CSMD1: variants seen among roughly 807,000 people sequenced by gnomAD.
CSMD1 encodes CUB and Sushi multiple domains 1.
A neutral mutation model predicts 417.5 loss-of-function variants in CSMD1; 213 were observed. That is an observed-to-expected ratio of 0.51 (90% CI 0.46 to 0.57). The LOEUF is 0.57. Among genes scored for constraint, CSMD1 ranks in the 20% least tolerant of loss-of-function variants. The pLI, the probability that CSMD1 is intolerant of heterozygous loss-of-function variation, is 0.00. For synonymous variants in CSMD1, 2,862 were observed against 1,736.8 expected, an observed-to-expected ratio of 1.65 and a Z score of -16.11; for missense variants, 6,923 against 4,529.7, an observed-to-expected ratio of 1.53 and a Z score of -15.17.
intron 5 of CSMD1, among the ~76,000 whole-genome samples, chr8:3,803,667 G>A (rs1430761834): frequency 1.3e-5 from 2 of 152,140 alleles, no homozygotes; most frequent in African/African-American, 2.4e-5. Context: ...AGGCCAGAGT[G>A]GCACCACGCA....
At chr8:3,199,658 G>T in intron 33 of CSMD1, 56 bp downstream of exon 33, 2 of 1,195,504 alleles carry the variant, frequency 1.7e-6, no homozygotes, top group East Asian at 2.6e-5. Context: ...CTAGCCGTGG[G>T]TGCAGCATCA....
intron 3 of CSMD1, among the ~76,000 whole-genome samples, chr8:4,141,152 C>A (rs1054413666): frequency 1.3e-5 from 2 of 151,200 alleles, no homozygotes; most frequent in Non-Finnish European, 2.9e-5. Context: ...CAATAAGTAA[C>A]AGAACGTGTC....
intron 1 of CSMD1, among the ~76,000 whole-genome samples, chr8:4,721,738 A>T (rs939004444): frequency 6.6e-6 from 1 of 152,144 alleles, no homozygotes. Flanking sequence ...CCAGCACCTC[A>T]TAGAAATAGC....
At chr8:3,456,603 C>A (rs11777686) in intron 12 of CSMD1, among the ~76,000 whole-genome samples, 35,818 of 152,120 alleles carry the variant, frequency 0.24, 5,460 homozygotes, top group Non-Finnish European at 0.33. Flanking sequence ...TGCGTTCTCT[C>A]CTATCCTATT....
At chr8:3,186,136 GT>G (rs1821741784) in intron 36 of CSMD1, among the ~76,000 whole-genome samples, 2 of 151,292 alleles carry the variant, frequency 1.3e-5, no homozygotes, top group Non-Finnish European at 2.9e-5. Context: ...ATTACATTAA[GT>G]GTTGGCATCT....
rs560678502 is a variant in CSMD1, at chr8:3,764,745, T to C, written c.819-10703A>G. On this transcript the variant is annotated intron_variant, in intron 5 of 69. Coordinates refer to ENST00000635120, the MANE Select transcript of CSMD1 (RefSeq NM_033225.6). Reference sequence around the variant, plus strand: ...GCACTGCCCTTTTCTCTTTCTTTTTTTTTTTTTTTTTTTTATTTTGAGAGA... The same window carrying C: ...GCACTGCCCTTTTCTCTTTCTTTTTCTTTTTTTTTTTTTTATTTTGAGAGA... 2.4e-4 allele frequency among the ~76,000 whole-genome samples: 23 copies of C among 95,086 alleles called. No homozygotes were observed. In the East Asian group the frequency reaches 5.0e-3, roughly 21 times the overall value. The allele number at this position is 95,086 out of a possible 152,430, so 62.4% of individuals were successfully genotyped here. A position where few individuals can be genotyped will look rare whatever the true frequency, so the allele number is the denominator to read the frequency against.
intron 5 of CSMD1, among the ~76,000 whole-genome samples, chr8:3,986,857 C>A (rs796196688): frequency 3.3e-5 from 5 of 152,164 alleles, no homozygotes; most frequent in African/African-American, 1.2e-4. Flanking sequence ...CAGGTTCAAG[C>A]AATTCTCCTG....
intron 3 of CSMD1, among the ~76,000 whole-genome samples, chr8:4,156,394 T>A (rs1437463324): frequency 1.3e-5 from 2 of 152,186 alleles, no homozygotes; most frequent in Non-Finnish European, 2.9e-5. Flanking sequence ...GGCAAGTCCA[T>A]AAAATTTCTC....
rs1210177134 is a variant in CSMD1 at position 3,223,755 on chromosome 8, G to A, written c.4458C>T (p.Asp1486=). 10 of 1,613,906 alleles carry A rather than the reference G, an allele frequency of 6.2e-6. No individual in the cohort carries two copies. Among genetic ancestry groups the A allele is most frequent in the South Asian group, 3.3e-5 (3 of 91,076 alleles). The change falls in exon 28 of 70, where the codon GAC becomes GAT. Residue 1486 remains aspartate (D), a synonymous_variant. Transcript: ENST00000635120. ...ECDWRVKVNP[D]FVIALIFKSF... ...TTTTGAATATCAAGGCGATGACAAA[G>A]TCCGGGTTCACTTTTACTCTCCAGT...
intron 1 of CSMD1, among the ~76,000 whole-genome samples, chr8:4,800,336 C>G (rs1477589559): frequency 6.7e-6 from 1 of 149,144 alleles, no homozygotes; most frequent in Non-Finnish European, 1.5e-5. Context: ...GAGGCTGAGG[C>G]AGGAAGATTT....
rs1343973180 is a variant in CSMD1, at chr8:4,513,475, A to C, written c.303-93410T>G. On this transcript the variant is annotated intron_variant, in intron 2 of 69. Transcript: ENST00000635120. ...TAGATCCCAATTCTTTCATACCCAC[A>C]ACAAAGATGAAATGTCGGACTGTAA... Among the ~76,000 whole-genome samples the C allele has an allele frequency of 6.6e-5, 10 of 152,314 alleles. No individual in the cohort carries two copies. The East Asian group carries it at 1.4e-3, about 21-fold the overall frequency.
intron 5 of CSMD1, among the ~76,000 whole-genome samples, chr8:3,962,112 C>T (rs1022083626): frequency 2.0e-5 from 3 of 152,158 alleles, no homozygotes; most frequent in Non-Finnish European, 2.9e-5. Context: ...CAGCCAGGAC[C>T]TTCCTCCTCT....
chr8:4,382,842 T>C (rs1332907443), intron 3 of CSMD1, among the ~76,000 whole-genome samples: 1 of 152,188 alleles, frequency 6.6e-6, no homozygotes, highest in Non-Finnish European at 1.5e-5. Context: ...ACAACGACCT[T>C]ACACATTTTG....
At chr8:3,840,382 T>C (rs938475058) in intron 5 of CSMD1, among the ~76,000 whole-genome samples, 3 of 152,044 alleles carry the variant, frequency 2.0e-5, no homozygotes, top group African/African-American at 7.2e-5. Context: ...TGAGGGAGAA[T>C]AATAGTGTGT....
intron 3 of CSMD1, among the ~76,000 whole-genome samples, chr8:4,327,569 T>A (rs1472990265): frequency 6.6e-6 from 1 of 152,048 alleles, no homozygotes; most frequent in Non-Finnish European, 1.5e-5. Flanking sequence ...GGGGCGCTCA[T>A]CACTGTCACT....
rs182748777 is a variant in CSMD1 at position 3,911,146 on chromosome 8, T to C, written c.818+86757A>G. ...TTGCCAATCACAGGACTCAAAGAGC[T>C]CTCAGAAAATCATATAATGCAAGTG... On this transcript the variant is annotated intron_variant, in intron 5 of 69. Transcript: ENST00000635120. Among the ~76,000 whole-genome samples the C allele has an allele frequency of 5.3e-5, 8 of 152,222 alleles. 1 individual carries two copies. Among genetic ancestry groups the C allele is most frequent in the Admixed American group, 5.2e-4 (8 of 15,300 alleles).
intron 24 of CSMD1, 79 bp downstream of exon 24, chr8:3,308,233 T>C (rs1584971178): frequency 9.0e-7 from 1 of 1,108,278 alleles, no homozygotes; most frequent in Admixed American, 2.3e-5. Context: ...TCTTTTCCAA[T>C]AAAGGAAGTC....
chr8:4,429,409 A>G (rs1797744538), intron 2 of CSMD1, among the ~76,000 whole-genome samples: 1 of 152,170 alleles, frequency 6.6e-6, no homozygotes, highest in Admixed American at 6.6e-5. Flanking sequence ...GGACAAAGAA[A>G]AAGCATCCTC....
chr8:4,899,728 C>A (rs1421457016), intron 1 of CSMD1, among the ~76,000 whole-genome samples: 1 of 152,128 alleles, frequency 6.6e-6, no homozygotes, highest in South Asian at 2.1e-4. Flanking sequence ...TCTCACTGGA[C>A]CTTTTTCTTG....
Sources: allele counts gnomAD v4.1 joint callset (sites outside exome capture counted in the v4.1 genomes callset), GRCh38; gene constraint gnomAD v4.1.1; transcripts MANE v1.5; gene names NCBI Gene and HGNC (gene_info 2026-07-23, HGNC 2026-07-21).